Variants in GLIS3 observed in about 807,000 individuals in gnomAD.
The protein encoded by GLIS3 is zinc finger protein GLIS3.
In GLIS3, 53 loss-of-function variants were observed where a neutral mutation model predicts 78.6. The ratio of observed to expected loss-of-function variants is 0.67; its 90% CI spans 0.54 to 0.85. The LOEUF (loss-of-function observed/expected upper bound fraction) is 0.85, where lower values mean the gene tolerates loss of function less well. Among genes scored for constraint, GLIS3 ranks in the 40% least tolerant of loss-of-function variants. The pLI is 0.00. For missense variants in GLIS3, 1,703 were observed against 1,231.1 expected (o/e 1.38, Z -5.74); for synonymous variants, 684 against 509.9 (o/e 1.34, Z -4.60).
At chr9:4,016,450 A>T (rs1376623449) in intron 4 of GLIS3, among the ~76,000 whole-genome samples, 1 of 152,144 alleles carries the variant, frequency 6.6e-6, no homozygotes, top group Non-Finnish European at 1.5e-5. Flanking sequence ...AGAATTATAC[A>T]TTTCTAAACA....
At chr9:4,421,772 A>G in the GLIS3 span, among the ~76,000 whole-genome samples, 4 of 152,342 alleles carry the variant, frequency 2.6e-5, no homozygotes, top group Admixed American at 2.6e-4. Flanking sequence ...AAGAGTACCA[A>G]CTATGTCCTA....
At chr9:4,237,941 G>T (rs1822924353) in intron 2 of GLIS3, among the ~76,000 whole-genome samples, 1 of 152,178 alleles carries the variant, frequency 6.6e-6, no homozygotes, top group Admixed American at 6.5e-5. Flanking sequence ...GGGACAAGAT[G>T]AATCCTTTCC....
intron 6 of GLIS3, among the ~76,000 whole-genome samples, chr9:3,930,106 C>T (rs556166033): frequency 2.0e-5 from 3 of 152,332 alleles, no homozygotes; most frequent in Non-Finnish European, 4.4e-5. Context: ...CAACTTGCAT[C>T]ATTTTAACTT....
At chr9:3,993,935 C>T (rs1292830153) in intron 4 of GLIS3, among the ~76,000 whole-genome samples, 1 of 152,178 alleles carries the variant, frequency 6.6e-6, no homozygotes, top group East Asian at 1.9e-4. Context: ...CACTTCCTTT[C>T]TGTTCTAACC....
the GLIS3 span, among the ~76,000 whole-genome samples, chr9:4,395,124 T>C: frequency 9.9e-5 from 15 of 152,218 alleles, no homozygotes; most frequent in South Asian, 2.7e-3. Flanking sequence ...TGAAGGTTAA[T>C]GTTAAGGGTT....
chr9:4,172,145 T>C (rs569446925), intron 2 of GLIS3, among the ~76,000 whole-genome samples: 3 of 152,318 alleles, frequency 2.0e-5, no homozygotes, highest in African/African-American at 7.2e-5. Flanking sequence ...AAAAAATGAA[T>C]CACATTCAGG....
the GLIS3 span, among the ~76,000 whole-genome samples, chr9:4,355,634 C>G: frequency 6.6e-6 from 1 of 152,182 alleles, no homozygotes; most frequent in African/African-American, 2.4e-5. Context: ...CCTTTGGAAT[C>G]TGGCTTCTTA....
At chr9:4,151,010 A>G (rs2131037480) in intron 2 of GLIS3, 1 of 152,304 alleles carries the variant, frequency 6.6e-6, no homozygotes, top group Non-Finnish European at 1.5e-5. Context: ...ACTCCTACAC[A>G]ATGAGCATTG....
At chr9:3,878,288 G>C (rs117452069) in intron 8 of GLIS3, among the ~76,000 whole-genome samples, 4,675 of 151,768 alleles carry the variant, frequency 0.031, 101 homozygotes, top group Middle Eastern at 0.054. Flanking sequence ...TACTTCATTT[G>C]AATGCCTGTC....
chr9:3,953,795 CTATATATATATA>C lies in GLIS3; in HGVS notation c.1711-16618_1711-16607del, dbSNP rs57500093. On this transcript the variant is annotated intron_variant, in intron 4 of 10. Coordinates refer to ENST00000381971, the MANE Select transcript of GLIS3 (RefSeq NM_001042413.2). ...TCTCTCTCTCTCTCTCTCTCTCTCT[CTATATATATATA>C]TATATATATATATATCTTCTCCATC... Among the ~76,000 whole-genome samples, 133 of 73,340 alleles carry C rather than the reference CTATATATATATA, an allele frequency of 1.8e-3. 2 individuals are homozygous for C. The highest frequency in any genetic ancestry group is 2.7e-3 in the Non-Finnish European group (101 of 37,512). 48.1% of individuals were successfully genotyped at this position (73,340 alleles called of 152,430 possible).
chr9:4,396,605 G>C, the GLIS3 span, among the ~76,000 whole-genome samples: 1 of 152,074 alleles, frequency 6.6e-6, no homozygotes, highest in African/African-American at 2.4e-5. Flanking sequence ...CAGACTTCTA[G>C]CTAGCTTTAA....
At chr9:4,199,705 T>C (rs1209501819) in intron 2 of GLIS3, among the ~76,000 whole-genome samples, 4 of 152,058 alleles carry the variant, frequency 2.6e-5, no homozygotes, top group Non-Finnish European at 2.9e-5. Context: ...ATTATAATAA[T>C]AGTGGGGGAC....
chr9:3,828,140 A>G lies in GLIS3; in HGVS notation c.*132T>C, dbSNP rs1817824401. 1 of 1,023,988 alleles carries G rather than the reference A, an allele frequency of 9.8e-7. No homozygotes were observed. Among genetic ancestry groups the G allele is most frequent in the East Asian group, 2.4e-5 (1 of 41,134 alleles). The allele number at this position is 1,023,988 out of a possible 1,614,324, so 63.4% of individuals were successfully genotyped here. On this transcript the variant is annotated 3_prime_UTR_variant, in exon 11 of 11. Coordinates refer to ENST00000381971, the MANE Select transcript of GLIS3 (RefSeq NM_001042413.2). The stretch of plus-strand genomic sequence containing the variant: ...CTGCCATTCAGTCCTGCCTTCTGAA[A>G]GAACATCAGTAACTCTGCAGGGCCC...
chr9:4,207,844 A>G (rs1258689454), intron 2 of GLIS3, among the ~76,000 whole-genome samples: 1 of 152,222 alleles, frequency 6.6e-6, no homozygotes, highest in Non-Finnish European at 1.5e-5. Flanking sequence ...AGCAAAGGGA[A>G]TGATCTTTTT....
chr9:4,321,852 G>A (rs1003217427), intron 2 of GLIS3, among the ~76,000 whole-genome samples: 1 of 151,968 alleles, frequency 6.6e-6, no homozygotes, highest in African/African-American at 2.4e-5. Context: ...GGGATTATAG[G>A]TGTACACTAC....
chr9:4,018,051 A>G (rs1822582630), intron 4 of GLIS3, among the ~76,000 whole-genome samples: 1 of 152,242 alleles, frequency 6.6e-6, no homozygotes, highest in Non-Finnish European at 1.5e-5. Flanking sequence ...GTGCTGTGAT[A>G]ATCCTCATAA....
chr9:4,459,714 C>G, the GLIS3 span, among the ~76,000 whole-genome samples: 1 of 152,216 alleles, frequency 6.6e-6, no homozygotes, highest in East Asian at 1.9e-4. Flanking sequence ...ACCATGAGCC[C>G]AGGAGGTCAA....
At chr9:4,399,508 G>C in the GLIS3 span, among the ~76,000 whole-genome samples, 8 of 152,232 alleles carry the variant, frequency 5.3e-5, no homozygotes, top group African/African-American at 1.9e-4. Flanking sequence ...CCAGGAGGCA[G>C]AGGCAAGATC....
the GLIS3 span, among the ~76,000 whole-genome samples, chr9:4,454,844 G>T: frequency 6.6e-6 from 1 of 151,944 alleles, no homozygotes; most frequent in Non-Finnish European, 1.5e-5. Context: ...CCTGAAGTAG[G>T]GGATCTCACA....
Sources: allele counts gnomAD v4.1 joint callset (sites outside exome capture counted in the v4.1 genomes callset), GRCh38; gene constraint gnomAD v4.1.1; transcripts MANE v1.5; gene names NCBI Gene and HGNC (gene_info 2026-07-23, HGNC 2026-07-21).